BRSK2: variants seen among roughly 807,000 people sequenced by gnomAD.
The protein encoded by BRSK2 is BR serine/threonine kinase 2, also known as serine/threonine-protein kinase BRSK2.
A neutral mutation model predicts 83.3 loss-of-function variants in BRSK2; 19 were observed. That is an observed-to-expected ratio of 0.23 (90% confidence interval 0.16 to 0.33). BRSK2 has a LOEUF of 0.33. BRSK2 is among the 10% of genes least tolerant of loss of function. The probability of loss-of-function intolerance (pLI) is 1.00; values close to 1 mark genes in which losing one functional copy is unlikely to be tolerated. For synonymous variants in BRSK2, 519 were observed against 435.4 expected, an observed-to-expected ratio of 1.19 and a Z score of -2.39; for missense variants, 798 against 1,042.3, an observed-to-expected ratio of 0.77 and a Z score of 3.23.
chr11:1,459,757 C>T (rs746386704), intron 19 of BRSK2, among the ~76,000 whole-genome samples: 1 of 152,216 alleles, frequency 6.6e-6, no homozygotes, highest in Non-Finnish European at 1.5e-5. Flanking sequence ...TCAGGACTGC[C>T]CCCATCCCAG....
Position 1,446,146 on chromosome 11 carries a change from T to G in BRSK2, c.1226+239T>G, listed in dbSNP as rs1323370303. Among the ~76,000 whole-genome samples the G allele has an allele frequency of 4.2e-5, 6 of 143,338 alleles. No homozygotes were observed. The East Asian group carries it at 1.3e-3, about 31-fold the overall frequency. The allele number at this position is 143,338 out of a possible 152,430, so 94.0% of individuals were successfully genotyped here. The stretch of plus-strand genomic sequence containing the variant: ...TGGGCTGGGCTGTGCTGGACTGGAC[T>G]GGGCTAGGCTGAGCTGGGCTGGCCT... On this transcript the variant is annotated intron_variant, in intron 12 of 19. Transcript: ENST00000528841.
intron 1 of BRSK2, among the ~76,000 whole-genome samples, chr11:1,394,310 A>G (rs1845922128): frequency 1.8e-5 from 2 of 111,576 alleles, no homozygotes; most frequent in African/African-American, 7.4e-5. Flanking sequence ...GCCCCTGGAG[A>G]TGGGCCCCTG....
In BRSK2 at chr11:1,438,206, C is replaced by T; in HGVS notation, c.187-100C>T. On this transcript the variant is annotated intron_variant, in intron 2 of 19. Coordinates refer to ENST00000528841, the MANE Select transcript of BRSK2 (RefSeq NM_001256627.2). The surrounding 1 kb of genome is among the most constrained non-coding windows in gnomAD (Gnocchi z 6.4). ...CGACCCCCACAGCTGGCACCAAAGG[C>T]CCCTGCGACCCCCACAGCTGGCACC... The T allele has an allele frequency of 8.9e-7, 1 of 1,127,156 alleles. No homozygotes were observed. Among genetic ancestry groups the T allele is most frequent in the South Asian group, 1.4e-5 (1 of 73,084 alleles). The allele number at this position is 1,127,156 out of a possible 1,614,324, so 69.8% of individuals were successfully genotyped here.
intron 19 of BRSK2, 26 bp from the exon 20 acceptor site, chr11:1,460,474 T>TCTCTG: frequency 1.5e-6 from 2 of 1,303,934 alleles, no homozygotes; most frequent in Non-Finnish European, 9.8e-7. Context: ...TTTTTTTTTT[T>TCTCTG]TTTTGTCTCT....
In BRSK2 at chr11:1,389,973, G is replaced by GGGGGAGC. The variant is rs1845620840; in HGVS notation, c.-308_-307insAGCGGGG. The GGGGGAGC allele has an allele frequency of 6.8e-6, 1 of 148,140 alleles. No homozygotes were observed. The highest frequency in any genetic ancestry group is 2.4e-5 in the African/African-American group (1 of 40,910). 9.2% of individuals were successfully genotyped at this position (148,140 alleles called of 1,614,324 possible). On this transcript the variant is annotated 5_prime_UTR_variant, in exon 1 of 20. Coordinates refer to ENST00000528841, the MANE Select transcript of BRSK2 (RefSeq NM_001256627.2). This position sits in a 1 kb window ranked among gnomAD's most constrained non-coding sequence, Gnocchi z 4.1. ...GCGCGGCCGCTGACGGGCGTGCGCT[G>GGGGGAGC]GGGGCGCGGGGCGCGGGGCGCGGGC...
rs995969612 is a variant in BRSK2, at chr11:1,454,968, G to A, written c.1668+360G>A. 9.9e-5 allele frequency among the ~76,000 whole-genome samples: 15 copies of A among 152,136 alleles called. No individual in the cohort carries two copies. Among genetic ancestry groups the A allele is most frequent in the Non-Finnish European group, 1.3e-4 (9 of 68,012 alleles). On this transcript the variant is annotated intron_variant, in intron 16 of 19. Coordinates refer to ENST00000528841, the MANE Select transcript of BRSK2 (RefSeq NM_001256627.2). This position sits in a 1 kb window ranked among gnomAD's most constrained non-coding sequence, Gnocchi z 5.2. ...GGGGGACATTTCCATCAGACTCGGG[G>A]AGAAGCCCTTGTGAGGCCATGGCCC...
chr11:1,420,772 G>A (rs1848565575), intron 1 of BRSK2, among the ~76,000 whole-genome samples: 2 of 152,208 alleles, frequency 1.3e-5, no homozygotes, highest in African/African-American at 4.8e-5. Context: ...GACTCCTCTG[G>A]TTACTCCTGT....
chr11:1,411,256 C>T (rs1847463629), intron 1 of BRSK2: 2 of 1,297,634 alleles, frequency 1.5e-6, no homozygotes, highest in Non-Finnish European at 9.7e-7. Context: ...CAGCCTTGCT[C>T]CTGGGCCAGA....
chr11:1,446,359 A>AGGGCTGGGCTGAGCTGGGCAGGGCT (rs1329229372), intron 12 of BRSK2, among the ~76,000 whole-genome samples: 3 of 99,286 alleles, frequency 3.0e-5, no homozygotes, highest in African/African-American at 1.2e-4. Context: ...TGAGCTGGGC[A>AGGGCTGGGCTGAGCTGGGCAGGGCT]GGGCTGGGCT....
At chr11:1,445,049 T>G (rs1490681277) in intron 9 of BRSK2, 47 bp downstream of exon 9, 2 of 1,596,980 alleles carry the variant, frequency 1.3e-6, no homozygotes, top group Admixed American at 3.3e-5. Context: ...CCTGTTGCTG[T>G]GGCCTGGAGG....
At position 1,454,378 on chromosome 11, in the gene BRSK2, C is replaced by T; in HGVS notation, c.1545-107C>T. The T allele has an allele frequency of 1.5e-6, 2 of 1,363,806 alleles. No individual in the cohort carries two copies. The highest frequency in any genetic ancestry group is 2.0e-6 in the Non-Finnish European group (2 of 976,634). 84.5% of individuals were successfully genotyped at this position (1,363,806 alleles called of 1,614,324 possible). ...GCACTGTGGAGACAGCCGTTTCTAT[C>T]ACGAAGCGATGGAAGATTCCGCCGT... is the stretch of plus-strand genomic sequence containing the variant. On this transcript the variant is annotated intron_variant, in intron 15 of 19. Transcript: ENST00000528841. This position sits in a 1 kb window ranked among gnomAD's most constrained non-coding sequence, Gnocchi z 5.2.
chr11:1,408,626 C>T (rs913953458), intron 1 of BRSK2, among the ~76,000 whole-genome samples: 1 of 152,198 alleles, frequency 6.6e-6, no homozygotes, highest in Non-Finnish European at 1.5e-5. Context: ...AGACCCTCAA[C>T]CTGATGGCAC....
chr11:1,442,585 G>A lies in BRSK2; in HGVS notation c.509G>A (p.Ser170Asn). 5 of 1,612,588 alleles carry A rather than the reference G, an allele frequency of 3.1e-6. No homozygotes were observed. Among genetic ancestry groups the A allele is most frequent in the Non-Finnish European group, 3.4e-6 (4 of 1,179,484 alleles). ...ATGGCGTCCCTGCAGGTTGGCGACA[G>A]CCTGTTGGAGACCAGCTGTGGGTAC... ...FGMASLQVGD[S>N]LLETSCGSPH... is the part of the protein sequence containing the mutation. Residue 170 changes from serine (S) to asparagine (N), a missense_variant, in exon 5 of 20, where the codon AGC becomes AAC. By Grantham distance (46) the Ser-to-Asn change is conservative. Coordinates refer to ENST00000528841, the MANE Select transcript of BRSK2 (RefSeq NM_001256627.2).
chr11:1,442,622 C>T lies in BRSK2; in HGVS notation c.530+16C>T. 3 of 1,588,270 alleles carry T rather than the reference C, an allele frequency of 1.9e-6. No individual in the cohort carries two copies. Among genetic ancestry groups the T allele is most frequent in the Non-Finnish European group, 2.6e-6 (3 of 1,158,030 alleles). ...CCAGCTGTGGGTACGTGGCCCTCTGCCCTGGAGAGAGGCTGGGGGACAGGC... is the reference window on the plus strand; with the variant it reads ...CCAGCTGTGGGTACGTGGCCCTCTGTCCTGGAGAGAGGCTGGGGGACAGGC... On this transcript the variant is annotated intron_variant, in intron 5 of 19. Coordinates refer to ENST00000528841, the MANE Select transcript of BRSK2 (RefSeq NM_001256627.2).
At chr11:1,403,921 C>T (rs774547127) in intron 1 of BRSK2, among the ~76,000 whole-genome samples, 3 of 152,174 alleles carry the variant, frequency 2.0e-5, no homozygotes, top group Non-Finnish European at 2.9e-5. Context: ...CAACTTGGGA[C>T]GGTGGCATCA....
At chr11:1,412,591 C>T (rs1201974520) in intron 1 of BRSK2, among the ~76,000 whole-genome samples, 1 of 152,192 alleles carries the variant, frequency 6.6e-6, no homozygotes, top group Non-Finnish European at 1.5e-5. Flanking sequence ...GAGCAGGCGC[C>T]CTCAGAAAAT....
chr11:1,429,145 T>G (rs1056484561), intron 1 of BRSK2, among the ~76,000 whole-genome samples: 6 of 139,986 alleles, frequency 4.3e-5, no homozygotes, highest in African/African-American at 1.6e-4. Flanking sequence ...TGTGCACGTG[T>G]GCATGGGTGT....
intron 2 of BRSK2, among the ~76,000 whole-genome samples, chr11:1,437,844 A>T (rs1359171809): frequency 6.6e-6 from 1 of 152,120 alleles, no homozygotes; most frequent in African/African-American, 2.4e-5. Flanking sequence ...CTGGGCTCAC[A>T]GAGAGGCCCA....
At chr11:1,439,080 C>A (rs1468351106) in intron 3 of BRSK2, among the ~76,000 whole-genome samples, 1 of 152,172 alleles carries the variant, frequency 6.6e-6, no homozygotes, top group Non-Finnish European at 1.5e-5. Flanking sequence ...TCATCTGACC[C>A]TCGCTGGTCC....
Sources: allele counts gnomAD v4.1 joint callset (sites outside exome capture counted in the v4.1 genomes callset), GRCh38; gene constraint gnomAD v4.1.1; non-coding constraint Gnocchi (gnomAD v3.1); transcripts MANE v1.5; gene names NCBI Gene and HGNC (gene_info 2026-07-23, HGNC 2026-07-21).